PARP4: variants seen among roughly 807,000 people sequenced by gnomAD.
The protein encoded by PARP4 is protein mono-ADP-ribosyltransferase PARP4.
PARP4 carries 120 observed loss-of-function variants against 187.7 expected under a neutral mutation model. The observed-to-expected ratio is 0.64, with a 90% confidence interval of 0.55 to 0.74. The LOEUF is 0.74. Among genes scored for constraint, PARP4 ranks in the 30% least tolerant of loss-of-function variants. The pLI, the probability that PARP4 is intolerant of heterozygous loss-of-function variation, is 0.00. For synonymous variants in PARP4, 654 were observed against 740.9 expected (o/e 0.88, Z 1.90); for missense variants, 1,836 against 2,070.5 (o/e 0.89, Z 2.20).
rs1419827041 is a variant in PARP4 at position 24,503,253 on chromosome 13, C to T, written c.132+392G>A. Reference sequence around the variant, plus strand: ...TTTCTTTCTACACCCAGGAACCTGGCTTACCAGTATATCACCCCAGCGTTG... The same window carrying T: ...TTTCTTTCTACACCCAGGAACCTGGTTTACCAGTATATCACCCCAGCGTTG... On this transcript the variant is annotated intron_variant, in intron 2 of 33. Coordinates refer to ENST00000381989, the MANE Select transcript of PARP4 (RefSeq NM_006437.4). 3.3e-5 allele frequency among the ~76,000 whole-genome samples: 5 copies of T among 152,374 alleles called. No homozygotes were observed. In the East Asian group the frequency reaches 9.6e-4, roughly 29 times the overall value.
intron 8 of PARP4, 38 bp downstream of exon 8, chr13:24,493,558 G>A (rs1593646603): frequency 1.9e-6 from 3 of 1,586,700 alleles, no homozygotes; most frequent in Non-Finnish European, 2.6e-6. Context: ...CCAGGAGGCA[G>A]ATTTTTCACA....
chr13:24,425,599 C>CTATATATA lies in PARP4; in HGVS notation c.4979+866_4979+867insTATATATA, dbSNP rs138449687. Among the ~76,000 whole-genome samples, 726 of 138,050 alleles carry CTATATATA rather than the reference C, an allele frequency of 5.3e-3. 6 individuals are homozygous for CTATATATA. The highest frequency in any genetic ancestry group is 0.019 in the African/African-American group (645 of 33,572). The allele number at this position is 138,050 out of a possible 152,430, so 90.6% of individuals were successfully genotyped here. A position where few individuals can be genotyped will look rare whatever the true frequency, so the allele number is the denominator to read the frequency against. On this transcript the variant is annotated intron_variant, in intron 33 of 33. Transcript: ENST00000381989. Reference sequence around the variant, plus strand: ...TCTATATCTATATCTATATCTATATCTATATCTATATATCTCAGAGGGATC... The same window carrying CTATATATA: ...TCTATATCTATATCTATATCTATATCTATATATATATATCTATATATCTCAGAGGGATC...
intron 25 of PARP4, among the ~76,000 whole-genome samples, chr13:24,449,010 G>C (rs1462184991): frequency 1.3e-5 from 2 of 152,242 alleles, no homozygotes; most frequent in African/African-American, 4.8e-5. Flanking sequence ...CGTAGTTTCT[G>C]TTTGGGCTGA....
At position 24,498,179 on chromosome 13, in the gene PARP4, C is replaced by T. The variant is rs758110396; in HGVS notation, c.528G>A (p.Ser176=). The change falls in exon 6 of 34, where the codon TCG becomes TCA. Residue 176 remains serine, a synonymous_variant. Coordinates refer to ENST00000381989, the MANE Select transcript of PARP4 (RefSeq NM_006437.4). ...GGAAAGGACAGTCCCTGGAGTCCCG[C>T]GAACACTGAAGCTCCACCACCACAG... is the stretch of plus-strand genomic sequence containing the variant. ...QEAVVVELQC[S]RDSRDCPFLI... The T allele has an allele frequency of 1.2e-5, 20 of 1,613,738 alleles. No individual in the cohort carries two copies. The highest frequency in any genetic ancestry group is 1.7e-4 in the Middle Eastern group (1 of 5,886).
intron 14 of PARP4, among the ~76,000 whole-genome samples, chr13:24,476,538 T>C (rs149593590): frequency 1.4e-3 from 206 of 152,282 alleles, no homozygotes; most frequent in Middle Eastern, 6.8e-3. Flanking sequence ...TGGCAGCATA[T>C]TGAAAAATGT....
intron 33 of PARP4, among the ~76,000 whole-genome samples, chr13:24,425,024 G>A (rs1869952449): frequency 6.6e-6 from 1 of 151,958 alleles, no homozygotes; most frequent in East Asian, 1.9e-4. Context: ...TTCCCAGGAT[G>A]GGCACAGTGG....
In PARP4 at chr13:24,508,734, G is replaced by C. The variant is rs148078205; in HGVS notation, c.-2+3972C>G. The stretch of plus-strand genomic sequence containing the variant: ...TCACCATGTTGGCCAGGCTGGTCTC[G>C]AACTCCCAACCTTAAGTGATCTGCA... On this transcript the variant is annotated intron_variant, in intron 1 of 33. Coordinates refer to ENST00000381989, the MANE Select transcript of PARP4 (RefSeq NM_006437.4). Among the ~76,000 whole-genome samples the C allele has an allele frequency of 3.8e-3, 583 of 152,096 alleles. 4 individuals are homozygous for C. Among genetic ancestry groups the C allele is most frequent in the African/African-American group, 0.013 (536 of 41,468 alleles).
rs1373574407 is a variant in PARP4 at position 24,431,368 on chromosome 13, G to C, written c.4846+9C>G. On this transcript the variant is annotated intron_variant, in intron 32 of 33. Coordinates refer to ENST00000381989, the MANE Select transcript of PARP4 (RefSeq NM_006437.4). ...TAATGACTTAATAAATGGAAACATA[G>C]TGCCTTACCTAGAGATTGAATGCCT... 3 of 1,463,898 alleles carry C rather than the reference G, an allele frequency of 2.0e-6. No homozygotes were observed. The African/African-American group carries it at 4.3e-5, about 21-fold the overall frequency. 90.7% of individuals were successfully genotyped at this position (1,463,898 alleles called of 1,614,324 possible). A position where few individuals can be genotyped will look rare whatever the true frequency, so the allele number is the denominator to read the frequency against.
chr13:24,469,941 C>T lies in PARP4; in HGVS notation c.1999G>A (p.Val667Met), dbSNP rs200542770. Residue 667 changes from valine to methionine, a missense_variant, in exon 16 of 34, where the codon GTG becomes ATG. Coordinates refer to ENST00000381989, the MANE Select transcript of PARP4 (RefSeq NM_006437.4). ...TTGATGAAGGCTTCGAAGCCACACA[C>T]AGCGGCCTTGTCATCCAAAGGAAAG... Reference protein sequence around the residue: ...YIFPLDDKAAVCGFEAFINGK... With the variant: ...YIFPLDDKAAMCGFEAFINGK... The T allele has an allele frequency of 1.2e-6, 2 of 1,613,858 alleles. No homozygotes were observed. Among genetic ancestry groups the T allele is most frequent in the Non-Finnish European group, 1.7e-6 (2 of 1,179,828 alleles).
intron 23 of PARP4, 116 bp from the exon 24 acceptor site, chr13:24,452,709 C>G: frequency 5.3e-6 from 4 of 754,734 alleles, no homozygotes; most frequent in Admixed American, 5.7e-5. Context: ...AAAATATTTT[C>G]TTTCCCTAAT....
intron 32 of PARP4, among the ~76,000 whole-genome samples, chr13:24,427,258 T>C (rs1870105209): frequency 6.6e-6 from 1 of 152,220 alleles, no homozygotes; most frequent in African/African-American, 2.4e-5. Flanking sequence ...GGTTAGTACC[T>C]ATAGGTATCC....
Position 24,456,445 on chromosome 13 carries a change from C to T in PARP4, c.2458G>A (p.Glu820Lys), listed in dbSNP as rs1306406737. 1.2e-6 allele frequency: 2 copies of T among 1,608,570 alleles called. No individual in the cohort carries two copies. Among genetic ancestry groups the T allele is most frequent in the East Asian group, 4.5e-5 (2 of 44,664 alleles). The change falls in exon 21 of 34, where the codon GAA (glutamate) becomes AAA (lysine). Residue 820 changes from glutamate (E) to lysine (K), a missense_variant. Around this residue, in one of 8 missense-constraint regions of PARP4, gnomAD observed 1,147 missense variants for 1,214.2 expected, o/e 0.94. Transcript: ENST00000381989. ...TDCKAVISTMEGSSLDSSGFS... is the reference protein window; with the variant it reads ...TDCKAVISTMKGSSLDSSGFS... The stretch of plus-strand genomic sequence containing the variant: ...CCACTGCTGTCTAAGGAGCTGCCTT[C>T]CATGGTGCTAATGACAGCTTTGCAG...
rs760668021 is a variant in PARP4 at position 24,459,314 on chromosome 13, T to C, written c.2299-4A>G. The C allele has an allele frequency of 1.9e-6, 3 of 1,545,000 alleles. No homozygotes were observed. The Admixed American group carries it at 5.9e-5, about 30-fold the overall frequency. On this transcript the variant is annotated splice_region_variant and splice_polypyrimidine_tract_variant and intron_variant, in intron 18 of 33. Transcript: ENST00000381989. Reference sequence around the variant, plus strand: ...TACAAATCTTCTCTACTGTATCCTGTTAAAAGAAAAATACATTTGTATAAC... The same window carrying C: ...TACAAATCTTCTCTACTGTATCCTGCTAAAAGAAAAATACATTTGTATAAC...
At chr13:24,433,170 C>T (rs1870437332) in intron 31 of PARP4, among the ~76,000 whole-genome samples, 1 of 152,152 alleles carries the variant, frequency 6.6e-6, no homozygotes, top group South Asian at 2.1e-4. Flanking sequence ...TTCCCATTAT[C>T]TCAAGTAGCA....
intron 30 of PARP4, 77 bp from the exon 31 acceptor site, chr13:24,435,551 G>C: frequency 7.0e-7 from 1 of 1,430,472 alleles, no homozygotes; most frequent in South Asian, 1.4e-5. Context: ...ATTCTTCCTA[G>C]CACTTGACTT....
At chr13:24,508,115 A>G (rs1869807684) in intron 1 of PARP4, among the ~76,000 whole-genome samples, 1 of 152,220 alleles carries the variant, frequency 6.6e-6, no homozygotes, top group Non-Finnish European at 1.5e-5. Flanking sequence ...GGTACCATAA[A>G]AGAGATTACA....
chr13:24,495,921 G>A (rs1868920675), intron 6 of PARP4, among the ~76,000 whole-genome samples: 1 of 152,230 alleles, frequency 6.6e-6, no homozygotes, highest in Non-Finnish European at 1.5e-5. Context: ...GAGGCTCACT[G>A]CTATCAAGGT....
chr13:24,505,486 A>G (rs749874898), intron 1 of PARP4, among the ~76,000 whole-genome samples: 7 of 152,150 alleles, frequency 4.6e-5, no homozygotes, highest in Non-Finnish European at 7.3e-5. Context: ...TCTTCAGATA[A>G]GCCTCTGTTG....
chr13:24,468,382 T>G (rs1322648625), intron 17 of PARP4, among the ~76,000 whole-genome samples: 1 of 149,628 alleles, frequency 6.7e-6, no homozygotes, highest in South Asian at 2.1e-4. Flanking sequence ...TCAGGAAAAT[T>G]GTAAATATAT....
Sources: gnomAD v4.1 joint callset for allele counts (sites outside exome capture counted in the v4.1 genomes callset) on GRCh38, gnomAD v4.1.1 for gene constraint, gnomAD v4.1.1 regional missense constraint, MANE v1.5 for transcripts, NCBI Gene and HGNC (gene_info 2026-07-23, HGNC 2026-07-21) for gene names.